The following TAFA5 variants were observed in gnomAD, a reference collection of about 807,000 sequenced individuals.
TAFA5 encodes the protein TAFA chemokine like family member 5, also known as chemokine-like protein TAFA-5.
Under a neutral mutation model 15.3 loss-of-function variants are expected in TAFA5, and 6 were observed. That is an observed-to-expected ratio of 0.39 (90% CI 0.21 to 0.77). TAFA5 has a LOEUF of 0.77. Among genes scored for constraint, TAFA5 ranks in the 30% least tolerant of loss-of-function variants. The pLI is 0.41. For synonymous variants in TAFA5, 103 were observed against 80.7 expected (o/e 1.28, Z -1.48); for missense variants, 161 against 193.1 (o/e 0.83, Z 0.98).
intron 1 of TAFA5, among the ~76,000 whole-genome samples, chr22:48,594,451 G>A (rs910893540): frequency 5.3e-5 from 8 of 152,332 alleles, no homozygotes; most frequent in African/African-American, 9.6e-5. Flanking sequence ...TGAGGGCTAC[G>A]CCCACGGGGA....
intron 1 of TAFA5, among the ~76,000 whole-genome samples, chr22:48,639,595 C>T (rs1926599887): frequency 6.6e-6 from 1 of 152,142 alleles, no homozygotes; most frequent in Non-Finnish European, 1.5e-5. Flanking sequence ...CTCCCTTTGT[C>T]ACACCTCCTG....
intron 1 of TAFA5, among the ~76,000 whole-genome samples, chr22:48,540,350 G>A (rs1922320699): frequency 6.6e-6 from 1 of 152,132 alleles, no homozygotes; most frequent in African/African-American, 2.4e-5. Context: ...CTCTGGAGGG[G>A]TGGGGGAGGC....
At chr22:48,693,312 A>G (rs771729626) in intron 2 of TAFA5, 1 of 1,610,044 alleles carries the variant, frequency 6.2e-7, no homozygotes, top group Admixed American at 1.7e-5. Context: ...CTAAGAGAGT[A>G]ATTGAAAGGA....
intron 2 of TAFA5, among the ~76,000 whole-genome samples, chr22:48,700,178 C>A (rs187848517): frequency 6.6e-6 from 1 of 151,928 alleles, no homozygotes; most frequent in Non-Finnish European, 1.5e-5. Context: ...ACCCTTCTTT[C>A]ATCGAATCAG....
chr22:48,620,300 T>G (rs1299057858), intron 1 of TAFA5, among the ~76,000 whole-genome samples: 3 of 152,082 alleles, frequency 2.0e-5, no homozygotes, highest in African/African-American at 7.3e-5. Context: ...CGCCTCTTCC[T>G]CAGGGCCCTG....
intron 2 of TAFA5, among the ~76,000 whole-genome samples, chr22:48,697,679 A>C (rs923546465): frequency 6.6e-6 from 1 of 151,038 alleles, no homozygotes; most frequent in Non-Finnish European, 1.5e-5. Flanking sequence ...AATGGTGATA[A>C]TGTGATGGTG....
chr22:48,676,913 T>C (rs76008080), intron 2 of TAFA5, among the ~76,000 whole-genome samples: 4,694 of 152,260 alleles, frequency 0.031, 249 homozygotes, highest in African/African-American at 0.11. Context: ...CCCAGGATGG[T>C]CTGGTTAGGG....
intron 3 of TAFA5, among the ~76,000 whole-genome samples, chr22:48,735,446 G>A (rs75097043): frequency 0.06 from 9,119 of 152,212 alleles, 770 homozygotes; most frequent in African/African-American, 0.19. Flanking sequence ...AATGGAAGCA[G>A]CCAGAAAAAA....
intron 3 of TAFA5, among the ~76,000 whole-genome samples, chr22:48,719,705 A>G (rs1419904818): frequency 6.6e-6 from 1 of 152,126 alleles, no homozygotes; most frequent in African/African-American, 2.4e-5. Context: ...TTTCTGCACA[A>G]ACAATGAAAA....
chr22:48,655,762 G>A (rs1927215224), intron 2 of TAFA5, among the ~76,000 whole-genome samples: 1 of 150,830 alleles, frequency 6.6e-6, no homozygotes, highest in East Asian at 2.0e-4. Context: ...TGTGGGCAGA[G>A]AAGCAGAGGA....
intron 1 of TAFA5, among the ~76,000 whole-genome samples, chr22:48,603,541 G>C (rs1054489756): frequency 1.2e-4 from 18 of 152,178 alleles, no homozygotes; most frequent in African/African-American, 4.3e-4. Context: ...GGGCCCAGGG[G>C]ATGGCTCAGA....
Position 48,715,425 on chromosome 22 carries a change from A to C in TAFA5, c.390+7581A>C, listed in dbSNP as rs149707163. 5.2e-3 allele frequency among the ~76,000 whole-genome samples: 788 copies of C among 151,646 alleles called. 5 individuals are homozygous for C. The highest frequency in any genetic ancestry group is 0.019 in the African/African-American group (768 of 41,440). ...CAGCTCAGCCTCAGAGACAGCGGAC[A>C]TGCATCCAGACACAGGATGGGGCAG... On this transcript the variant is annotated intron_variant, in intron 3 of 3. Transcript: ENST00000402357.
chr22:48,531,796 G>A (rs1311720988), intron 1 of TAFA5, among the ~76,000 whole-genome samples: 3 of 152,186 alleles, frequency 2.0e-5, no homozygotes, highest in Non-Finnish European at 4.4e-5. Context: ...TGGGAGGAGA[G>A]GCTGGGAGGC....
At chr22:48,729,652 A>G (rs1049599072) in intron 3 of TAFA5, among the ~76,000 whole-genome samples, 6 of 147,106 alleles carry the variant, frequency 4.1e-5, no homozygotes, top group African/African-American at 7.4e-5. Flanking sequence ...ATTTTTAATT[A>G]TATAAAATAT....
chr22:48,620,974 TCATC>T (rs1925802293), intron 1 of TAFA5, among the ~76,000 whole-genome samples: 1 of 41,638 alleles, frequency 2.4e-5, no homozygotes, highest in Non-Finnish European at 4.7e-5. Flanking sequence ...CCTATCCTAT[TCATC>T]CATCCACCCA....
intron 1 of TAFA5, among the ~76,000 whole-genome samples, chr22:48,494,191 G>A (rs1323219778): frequency 6.6e-6 from 1 of 152,210 alleles, no homozygotes; most frequent in Admixed American, 6.5e-5. Context: ...GACTTTTATG[G>A]GCGTAATTAT....
chr22:48,602,775 G>C (rs1925022107), intron 1 of TAFA5, among the ~76,000 whole-genome samples: 1 of 152,158 alleles, frequency 6.6e-6, no homozygotes, highest in South Asian at 2.1e-4. Context: ...ACCTGGTGAA[G>C]GAATAAGTCA....
intron 1 of TAFA5, among the ~76,000 whole-genome samples, chr22:48,600,032 G>A (rs1924906517): frequency 6.6e-6 from 1 of 152,160 alleles, no homozygotes; most frequent in Non-Finnish European, 1.5e-5. Flanking sequence ...GGGCTGGGCT[G>A]GTCTTGTTGT....
chr22:48,690,010 C>T (rs1928487293), intron 2 of TAFA5, among the ~76,000 whole-genome samples: 1 of 152,154 alleles, frequency 6.6e-6, no homozygotes, highest in East Asian at 1.9e-4. Flanking sequence ...TGGCGTCCAT[C>T]ACAGGTGGCC....
Sources: allele counts gnomAD v4.1 joint callset (sites outside exome capture counted in the v4.1 genomes callset), GRCh38; gene constraint gnomAD v4.1.1; transcripts MANE v1.5; gene names NCBI Gene and HGNC (gene_info 2026-07-23, HGNC 2026-07-21).